TACC1: variants seen among roughly 807,000 people sequenced by gnomAD.
TACC1 encodes the protein transforming acidic coiled-coil-containing protein 1.
A neutral mutation model predicts 84.4 loss-of-function variants in TACC1; 48 were observed. The observed-to-expected ratio is 0.57, with a 90% CI of 0.45 to 0.72. The LOEUF (loss-of-function observed/expected upper bound fraction) is 0.72. TACC1 is among the 30% of genes least tolerant of loss of function. The pLI, the probability that TACC1 is intolerant of heterozygous loss-of-function variation, is 0.00. For missense variants in TACC1, 920 were observed against 973.0 expected (o/e 0.95, Z 0.72); for synonymous variants, 372 against 376.3 (o/e 0.99, Z 0.13).
At chr8:38,826,237 A>G (rs1417663546) in intron 4 of TACC1, among the ~76,000 whole-genome samples, 4 of 152,192 alleles carry the variant, frequency 2.6e-5, no homozygotes, top group Non-Finnish European at 5.9e-5. Flanking sequence ...GTTATTTTTC[A>G]TCTGTTAACA....
chr8:38,792,392 C>T (rs1390393401), intron 2 of TACC1, among the ~76,000 whole-genome samples: 1 of 152,202 alleles, frequency 6.6e-6, no homozygotes, highest in East Asian at 1.9e-4. Context: ...CTCCTGGGCT[C>T]AGATGATCCT....
upstream of TACC1, chr8:38,787,194 C>G (rs2151977538): frequency 4.0e-6 from 4 of 987,758 alleles, no homozygotes; most frequent in Non-Finnish European, 4.8e-6. Flanking sequence ...TGGGGCGCGG[C>G]TCCGGCGGCA....
At chr8:38,741,167 T>G (rs1270304395) in intron 1 of TACC1, among the ~76,000 whole-genome samples, 1 of 151,956 alleles carries the variant, frequency 6.6e-6, no homozygotes, top group Non-Finnish European at 1.5e-5. Context: ...ATTTTTTTTT[T>G]TTTTTTGAGA....
At chr8:38,744,567 A>G (rs1232762664) in intron 2 of TACC1, among the ~76,000 whole-genome samples, 2 of 152,154 alleles carry the variant, frequency 1.3e-5, no homozygotes, top group Middle Eastern at 6.8e-3. Context: ...TGTTTGTTTT[A>G]CTTAGAGAGA....
chr8:38,741,178 C>T (rs1196790950), intron 1 of TACC1, among the ~76,000 whole-genome samples: 1 of 146,088 alleles, frequency 6.8e-6, no homozygotes, highest in Non-Finnish European at 1.5e-5. Context: ...TTTTTTGAGA[C>T]GGAGTCTCCC....
chr8:38,774,238 T>C (rs923805564), intron 3 of TACC1, among the ~76,000 whole-genome samples: 10 of 152,228 alleles, frequency 6.6e-5, no homozygotes, highest in Admixed American at 2.0e-4. Flanking sequence ...CACCAGCCAT[T>C]CTCAGAGCCC....
intron 3 of TACC1, among the ~76,000 whole-genome samples, chr8:38,749,197 A>G (rs1808586341): frequency 6.6e-6 from 1 of 152,220 alleles, no homozygotes; most frequent in African/African-American, 2.4e-5. Flanking sequence ...ATTCTGGGAA[A>G]TACATAAATT....
intron 3 of TACC1, among the ~76,000 whole-genome samples, chr8:38,822,830 T>C (rs1315038136): frequency 6.6e-6 from 1 of 152,166 alleles, no homozygotes; most frequent in African/African-American, 2.4e-5. Context: ...CACTAGACAA[T>C]AGTTTTTCAG....
intron 9 of TACC1, among the ~76,000 whole-genome samples, chr8:38,841,304 G>T (rs1024912631): frequency 6.6e-6 from 1 of 152,090 alleles, no homozygotes; most frequent in African/African-American, 2.4e-5. Context: ...CTTGTGCTTG[G>T]TATCACTAGA....
intron 5 of TACC1, among the ~76,000 whole-genome samples, chr8:38,830,212 T>C (rs1828934289): frequency 6.6e-6 from 1 of 152,246 alleles, no homozygotes; most frequent in Non-Finnish European, 1.5e-5. Flanking sequence ...CTTTAAACTT[T>C]TGTATGCTTT....
At chr8:38,782,896 C>T (rs1337964096), upstream of TACC1, among the ~76,000 whole-genome samples, 1 of 152,050 alleles carries the variant, frequency 6.6e-6, no homozygotes, top group Non-Finnish European at 1.5e-5. Context: ...TGACCTAATT[C>T]TGTTTATATC....
intron 2 of TACC1, 78 bp downstream of exon 2, chr8:38,788,897 T>C: frequency 8.2e-7 from 1 of 1,212,776 alleles, no homozygotes; most frequent in South Asian, 1.4e-5. Flanking sequence ...AGGAAAAAAG[T>C]GTAAATTTAG....
intron 7 of TACC1, among the ~76,000 whole-genome samples, chr8:38,837,604 T>G (rs1466265718): frequency 6.6e-6 from 1 of 152,046 alleles, no homozygotes; most frequent in Non-Finnish European, 1.5e-5. Flanking sequence ...ATCTTGTAAA[T>G]GAGAAAAATG....
chr8:38,731,597 G>C (rs1804929051), intron 1 of TACC1, among the ~76,000 whole-genome samples: 1 of 152,154 alleles, frequency 6.6e-6, no homozygotes, highest in Non-Finnish European at 1.5e-5. Context: ...ACTATAAAAT[G>C]CACACCAACA....
intron 8 of TACC1, chr8:38,840,013 A>G (rs1281123883): frequency 2.9e-6 from 1 of 341,626 alleles, no homozygotes. Flanking sequence ...TAAAGATAAA[A>G]TCTTAACAAA....
At chr8:38,757,243 C>T (rs1296639354) in intron 3 of TACC1, 15 of 616,354 alleles carry the variant, frequency 2.4e-5, no homozygotes, top group Non-Finnish European at 3.1e-5. Flanking sequence ...CACCCTTCCT[C>T]CCGCCCCACC....
chr8:38,749,797 G>A (rs1478131241), intron 3 of TACC1, among the ~76,000 whole-genome samples: 2 of 151,996 alleles, frequency 1.3e-5, no homozygotes, highest in Non-Finnish European at 2.9e-5. Flanking sequence ...TCACCATGTT[G>A]GTCAAGCTGG....
Position 38,733,871 on chromosome 8 carries a change from G to A in TACC1, c.-675+5200G>A, listed in dbSNP as rs1296666136. Among the ~76,000 whole-genome samples the A allele has an allele frequency of 2.0e-5, 3 of 152,146 alleles. No homozygotes were observed. In the East Asian group the frequency reaches 5.8e-4, roughly 29 times the overall value. ...ATAACAAGAATCAAATTATTTTGCT[G>A]GAAACAAGAGGACAATGGAATTTAG... On this transcript the variant is annotated intron_variant, in intron 1 of 14. Coordinates refer to the TACC1 transcript ENST00000518415.
chr8:38,809,601 G>A (rs1823589694), intron 2 of TACC1, among the ~76,000 whole-genome samples: 1 of 152,174 alleles, frequency 6.6e-6, no homozygotes, highest in Non-Finnish European at 1.5e-5. Context: ...ATGAGGGAAA[G>A]GCCCTGTCCT....
Sources: allele counts gnomAD v4.1 joint callset (sites outside exome capture counted in the v4.1 genomes callset), GRCh38; gene constraint gnomAD v4.1.1; transcripts MANE v1.5; gene names NCBI Gene and HGNC (gene_info 2026-07-23, HGNC 2026-07-21).